The following SRSF1 variants were observed in gnomAD, a reference collection of about 807,000 sequenced individuals.
SRSF1 encodes the protein serine and arginine rich splicing factor 1.
In SRSF1, 1 loss-of-function variant was observed where a neutral mutation model predicts 25.9. The observed-to-expected ratio is 0.04, with a 90% confidence interval of 0.01 to 0.18. The LOEUF is 0.18. Among genes scored for constraint, SRSF1 ranks in the 10% least tolerant of loss-of-function variants. SRSF1 has a pLI of 1.00. For synonymous variants in SRSF1, 132 were observed against 126.2 expected, an observed-to-expected ratio of 1.05 and a Z score of -0.31; for missense variants, 65 against 350.5, an observed-to-expected ratio of 0.19 and a Z score of 6.50.
In SRSF1 at chr17:58,004,733, C is replaced by T. The variant is rs954836010; in HGVS notation, c.*673G>A. 5.4e-6 allele frequency: 2 copies of T among 371,612 alleles called. No individual in the cohort carries two copies. Among genetic ancestry groups the T allele is most frequent in the African/African-American group, 4.2e-5 (2 of 48,032 alleles). 23.0% of individuals were successfully genotyped at this position (371,612 alleles called of 1,614,324 possible). On this transcript the variant is annotated 3_prime_UTR_variant, in exon 4 of 4. Coordinates refer to ENST00000258962, the MANE Select transcript of SRSF1 (RefSeq NM_006924.5). ...GGGAAGGGAGCAAAATAAGTTGCTA[C>T]AAAATGGGCAATATAATTTTGCCAC...
chr17:58,006,310 C>T, intron 2 of SRSF1, 33 bp downstream of exon 2: 1 of 1,572,668 alleles, frequency 6.4e-7, no homozygotes, highest in Non-Finnish European at 8.6e-7. Flanking sequence ...GTTTTCGTCC[C>T]TTCACATCAA....
chr17:57,998,435 C>T (rs2075373016), downstream of SRSF1, among the ~76,000 whole-genome samples: 1 of 152,160 alleles, frequency 6.6e-6, no homozygotes. Flanking sequence ...CTCTAATACA[C>T]AGCACCTGAG....
At position 58,006,491 on chromosome 17, in the gene SRSF1, A is replaced by G. The variant is rs911995391; in HGVS notation, c.231T>C (p.Tyr77=). 4 of 1,613,290 alleles carry G rather than the reference A, an allele frequency of 2.5e-6. No homozygotes were observed. The highest frequency in any genetic ancestry group is 2.7e-5 in the African/African-American group (2 of 74,814). Residue 77 remains tyrosine (Y), a synonymous_variant, in exon 2 of 4, where the codon TAT becomes TAC. Transcript: ENST00000258962. ...CCCGCAGACGGTACCCATCGTAATCATAGCCGTCGCGACCATACACCGCGT... is the reference window on the plus strand; with the variant it reads ...CCCGCAGACGGTACCCATCGTAATCGTAGCCGTCGCGACCATACACCGCGT... ...AEDAVYGRDG[Y]DYDGYRLRVE...
At chr17:57,997,245 G>A (rs1304688993), downstream of SRSF1, among the ~76,000 whole-genome samples, 1 of 152,098 alleles carries the variant, frequency 6.6e-6, no homozygotes, top group Non-Finnish European at 1.5e-5. Flanking sequence ...AATTATACTT[G>A]GACTTAGGCT....
chr17:58,005,768 C>A lies in SRSF1; in HGVS notation c.552+33G>T. The A allele has an allele frequency of 6.2e-7, 1 of 1,614,136 alleles. No homozygotes were observed. Among genetic ancestry groups the A allele is most frequent in the Non-Finnish European group, 8.5e-7 (1 of 1,180,026 alleles). On this transcript the variant is annotated intron_variant, in intron 3 of 3. Transcript: ENST00000258962. The surrounding 1 kb of genome is among the most constrained non-coding windows in gnomAD (Gnocchi z 5.2). ...ACTGTTAAGACCACTGTATCCAATT[C>A]TGGTCAAAGAAAAGAATACGTGTAT...
At chr17:57,989,670 C>T in the SRSF1 span, 7 of 398,610 alleles carry the variant, frequency 1.8e-5, no homozygotes, top group Admixed American at 4.4e-5. Flanking sequence ...GGCTGGAAAA[C>T]GTTGGTCTGG....
Position 58,006,353 on chromosome 17 carries a change from C to T in SRSF1, c.369G>A (p.Val123=). 1.2e-6 allele frequency: 2 copies of T among 1,611,934 alleles called. No individual in the cohort carries two copies. Among genetic ancestry groups the T allele is most frequent in the Non-Finnish European group, 1.7e-6 (2 of 1,179,314 alleles). The change falls in exon 2 of 4, where the codon GTG becomes GTA. Residue 123 remains valine, a synonymous_variant. Transcript: ENST00000258962. The stretch of plus-strand genomic sequence containing the variant: ...AACCAGTACACTCACCAGAGACAAC[C>T]ACTCTGTTTTCAGACCGCCTGGATG... ...GPPSRRSENR[V]VVSGLPPSGS...
chr17:57,999,141 A>ATTC (rs2075375721), downstream of SRSF1, among the ~76,000 whole-genome samples: 2 of 152,226 alleles, frequency 1.3e-5, no homozygotes, highest in African/African-American at 4.8e-5. Flanking sequence ...AGAAAATAGA[A>ATTC]AACAGCTAAG....
chr17:57,989,847 C>A, the SRSF1 span: 1 of 398,094 alleles, frequency 2.5e-6, no homozygotes. Flanking sequence ...ATACATTTAT[C>A]AGCTAAATTG....
intron 1 of SRSF1, 185 bp from the exon 2 acceptor site, chr17:58,006,712 A>G: frequency 3.4e-6 from 3 of 892,538 alleles, no homozygotes; most frequent in Middle Eastern, 3.6e-4. Context: ...ACCAGCCCTC[A>G]GCGCCTCAGT....
At position 58,002,682 on chromosome 17, in the gene SRSF1, A is replaced by G. The variant is rs1567747737; in HGVS notation, c.*2724T>C. On this transcript the variant is annotated 3_prime_UTR_variant, in exon 4 of 4. Transcript: ENST00000258962. ...TCCAAAGAAGCAGTTAATCTTGTGC[A>G]CTCTTCCCTTTCAAAAAAGAAATGA... Among the ~76,000 whole-genome samples, 1 of 152,120 alleles carries G rather than the reference A, an allele frequency of 6.6e-6. No individual in the cohort carries two copies. The highest frequency in any genetic ancestry group is 2.4e-5 in the African/African-American group (1 of 41,414).
chr17:58,006,703 C>G, intron 1 of SRSF1, 176 bp from the exon 2 acceptor site: 1 of 907,908 alleles, frequency 1.1e-6, no homozygotes, highest in Non-Finnish European at 1.6e-6. Flanking sequence ...AACCACTACA[C>G]CAGCCCTCAG....
At chr17:57,993,507 C>T in the SRSF1 span, 1 of 152,328 alleles carries the variant, frequency 6.6e-6, no homozygotes, top group Non-Finnish European at 1.5e-5. Flanking sequence ...AACAGCTGTA[C>T]TCAGCATCTA....
chr17:57,997,023 G>A (rs987978083), downstream of SRSF1, among the ~76,000 whole-genome samples: 1 of 152,102 alleles, frequency 6.6e-6, no homozygotes, highest in Admixed American at 6.5e-5. Flanking sequence ...AAATTCTGAG[G>A]CAACTTAAAG....
rs34441159 is a variant in SRSF1, at chr17:58,003,189, CTA to C, written c.*2215_*2216del. Among the ~76,000 whole-genome samples, 13,265 of 152,192 alleles carry C rather than the reference CTA, an allele frequency of 0.087. 628 individuals are homozygous for C. Among genetic ancestry groups the C allele is most frequent in the Middle Eastern group, 0.14 (40 of 294 alleles). Reference sequence around the variant, plus strand: ...ATGACCACCAGAAAATAAGCAGCATCTATAGTTTTTTAACCACTTTATAACAA... The same window carrying C: ...ATGACCACCAGAAAATAAGCAGCATCTAGTTTTTTAACCACTTTATAACAA... On this transcript the variant is annotated 3_prime_UTR_variant, in exon 4 of 4. Transcript: ENST00000258962.
the SRSF1 span, chr17:57,992,163 C>T: frequency 1.3e-5 from 2 of 152,206 alleles, no homozygotes; most frequent in Non-Finnish European, 2.9e-5. Context: ...AAACTAACTT[C>T]CATTTTACAA....
At chr17:58,000,188 A>G (rs1238397038), downstream of SRSF1, among the ~76,000 whole-genome samples, 1 of 152,178 alleles carries the variant, frequency 6.6e-6, no homozygotes, top group Non-Finnish European at 1.5e-5. Context: ...AATCACTACA[A>G]GCTCACAAGA....
downstream of SRSF1, among the ~76,000 whole-genome samples, chr17:57,995,971 T>C (rs2143438398): frequency 6.6e-6 from 1 of 152,074 alleles, no homozygotes; most frequent in East Asian, 1.9e-4. Context: ...CAAGACCCTG[T>C]CTCTACAAAA....
intron 1 of SRSF1, 40 bp from the exon 2 acceptor site, chr17:58,006,567 G>A (rs757291226): frequency 9.5e-6 from 15 of 1,576,500 alleles, no homozygotes; most frequent in Middle Eastern, 3.6e-4. Flanking sequence ...AGAAACACCA[G>A]GAGGAGAAGC....
Sources: allele counts gnomAD v4.1 joint callset (sites outside exome capture counted in the v4.1 genomes callset), GRCh38; gene constraint gnomAD v4.1.1; non-coding constraint Gnocchi (gnomAD v3.1); transcripts MANE v1.5; gene names NCBI Gene and HGNC (gene_info 2026-07-23, HGNC 2026-07-21).